The following NBEA variants were observed in gnomAD, a reference collection of about 807,000 sequenced individuals.
NBEA encodes neurobeachin, also known as lysosomal-trafficking regulator 2.
In NBEA, 44 loss-of-function variants were observed where a neutral mutation model predicts 343.4. The ratio of observed to expected loss-of-function variants is 0.13; its 90% CI spans 0.10 to 0.16. The LOEUF (loss-of-function observed/expected upper bound fraction) is 0.16. Among genes scored for constraint, NBEA ranks in the 10% least tolerant of loss-of-function variants. The pLI is 1.00. For missense variants in NBEA, 2,555 were observed against 3,631.3 expected, an observed-to-expected ratio of 0.70 and a Z score of 7.62; for synonymous variants, 1,175 against 1,238.7, an observed-to-expected ratio of 0.95 and a Z score of 1.08.
chr13:35,355,996 A>G (rs1594330728), intron 38 of NBEA, among the ~76,000 whole-genome samples: 1 of 151,954 alleles, frequency 6.6e-6, no homozygotes, highest in South Asian at 2.1e-4. Context: ...AAGCTTCATA[A>G]TGTAATAGAT....
intron 18 of NBEA, among the ~76,000 whole-genome samples, chr13:35,144,999 G>A (rs995786618): frequency 1.3e-5 from 2 of 152,062 alleles, no homozygotes; most frequent in African/African-American, 4.8e-5. Flanking sequence ...TTGAGCAGTG[G>A]GATTATATTG....
chr13:35,220,069 G>A (rs2074279484), intron 33 of NBEA, among the ~76,000 whole-genome samples: 2 of 152,092 alleles, frequency 1.3e-5, no homozygotes, highest in African/African-American at 4.8e-5. Flanking sequence ...GTGTGTAATT[G>A]ATAATCCTCC....
At chr13:35,560,772 C>T (rs543205885) in intron 44 of NBEA, among the ~76,000 whole-genome samples, 90 of 152,294 alleles carry the variant, frequency 5.9e-4, no homozygotes, top group Non-Finnish European at 1.0e-3. Flanking sequence ...GGAGACATGA[C>T]TGGATTGGGG....
At chr13:35,650,915 TAC>T (rs781466758) in intron 52 of NBEA, among the ~76,000 whole-genome samples, 34 of 152,166 alleles carry the variant, frequency 2.2e-4, no homozygotes, top group East Asian at 3.9e-4. Flanking sequence ...CTCTAAAAAA[TAC>T]AGTGATTTAT....
chr13:35,209,013 G>A (rs184309091), intron 32 of NBEA, among the ~76,000 whole-genome samples, 159 bp downstream of exon 32: 201 of 152,250 alleles, frequency 1.3e-3, no homozygotes, highest in African/African-American at 4.7e-3. Flanking sequence ...GAATTTGTCT[G>A]TAGTTGTAGA....
At chr13:35,337,988 A>G (rs1328800298) in intron 36 of NBEA, among the ~76,000 whole-genome samples, 3 of 152,046 alleles carry the variant, frequency 2.0e-5, no homozygotes, top group Non-Finnish European at 2.9e-5. Context: ...ATTTATGACT[A>G]TAAGTAACTA....
At chr13:34,964,532 A>G (rs2059759574) in intron 1 of NBEA, among the ~76,000 whole-genome samples, 1 of 151,890 alleles carries the variant, frequency 6.6e-6, no homozygotes, top group South Asian at 2.1e-4. Context: ...CCTTAGTTCC[A>G]TTTAGGAAAT....
At position 35,671,143 on chromosome 13, in the gene NBEA, C is replaced by A. The variant is rs960384693; in HGVS notation, c.*152C>A. On this transcript the variant is annotated 3_prime_UTR_variant, in exon 59 of 59. Coordinates refer to ENST00000379939, the MANE Select transcript of NBEA (RefSeq NM_001385012.1). ...ATAGCTGTACATTGTAGTCAGCAAC[C>A]ATTTTACTTTGTGTGTTTTTTCACG... is the stretch of plus-strand genomic sequence containing the variant. The A allele has an allele frequency of 1.7e-6, 1 of 576,614 alleles. No individual in the cohort carries two copies. The highest frequency in any genetic ancestry group is 3.1e-6 in the Non-Finnish European group (1 of 323,122). 35.7% of individuals were successfully genotyped at this position (576,614 alleles called of 1,614,324 possible). A position where few individuals can be genotyped will look rare whatever the true frequency, so the allele number is the denominator to read the frequency against.
intron 41 of NBEA, chr13:35,475,202 A>G: frequency 6.2e-7 from 1 of 1,614,068 alleles, no homozygotes; most frequent in Non-Finnish European, 8.5e-7. Context: ...CACCGCCGGC[A>G]CTGCAGGCAG....
At chr13:35,657,261 T>C (rs963845628) in intron 55 of NBEA, among the ~76,000 whole-genome samples, 5 of 152,224 alleles carry the variant, frequency 3.3e-5, no homozygotes, top group African/African-American at 1.2e-4. Flanking sequence ...TGTTGTAAAA[T>C]AGCATATGCC....
chr13:35,241,166 G>GA (rs781370165), intron 34 of NBEA, among the ~76,000 whole-genome samples: 10 of 151,768 alleles, frequency 6.6e-5, no homozygotes, highest in Admixed American at 1.3e-4. Context: ...ATAAAGGGAT[G>GA]AAAAAATCGA....
chr13:35,505,317 T>C (rs1381524469), intron 41 of NBEA, among the ~76,000 whole-genome samples: 6 of 152,178 alleles, frequency 3.9e-5, no homozygotes, highest in Admixed American at 1.3e-4. Flanking sequence ...GTATTTGGCC[T>C]TTGACCTTTG....
intron 34 of NBEA, among the ~76,000 whole-genome samples, chr13:35,238,803 T>C (rs1244185373): frequency 6.6e-6 from 1 of 152,172 alleles, no homozygotes. Context: ...TTTATTAAAA[T>C]CATATAATAC....
At chr13:35,074,314 T>C (rs117999262) in intron 10 of NBEA, among the ~76,000 whole-genome samples, 2,725 of 152,280 alleles carry the variant, frequency 0.018, 26 homozygotes, top group Non-Finnish European at 0.025. Flanking sequence ...ATACATCTTA[T>C]TGAGTACATA....
At chr13:35,346,562 C>T (rs987731381) in intron 36 of NBEA, among the ~76,000 whole-genome samples, 1 of 152,038 alleles carries the variant, frequency 6.6e-6, no homozygotes, top group Non-Finnish European at 1.5e-5. Flanking sequence ...TAACAGATTT[C>T]CATAACCTTT....
intron 17 of NBEA, among the ~76,000 whole-genome samples, chr13:35,132,872 TG>T (rs2067502378): frequency 6.6e-6 from 1 of 152,214 alleles, no homozygotes; most frequent in African/African-American, 2.4e-5. Flanking sequence ...TTTTGTGGTA[TG>T]TGTATTATAG....
chr13:35,013,212 G>GAT (rs1566162310), intron 1 of NBEA, among the ~76,000 whole-genome samples: 5 of 152,100 alleles, frequency 3.3e-5, no homozygotes, highest in African/African-American at 1.2e-4. Context: ...AGACCAATGT[G>GAT]GAACTTATCA....
Position 35,064,769 on chromosome 13 carries a change from C to T in NBEA, c.1240-5139C>T, listed in dbSNP as rs148136528. Among the ~76,000 whole-genome samples the T allele has an allele frequency of 1.1e-4, 17 of 151,574 alleles. No homozygotes were observed. In the East Asian group the frequency reaches 2.7e-3, roughly 24 times the overall value. On this transcript the variant is annotated intron_variant, in intron 8 of 58. Transcript: ENST00000379939. The stretch of plus-strand genomic sequence containing the variant: ...GGGAGGAAATTAGGACACAGCCACA[C>T]GCAAAGGGAAGACCATGTGAAGACA...
intron 41 of NBEA, among the ~76,000 whole-genome samples, chr13:35,505,169 G>A (rs1026671346): frequency 6.6e-6 from 1 of 152,034 alleles, no homozygotes; most frequent in Non-Finnish European, 1.5e-5. Flanking sequence ...ACCTATACTT[G>A]TTTGGAATCA....
Sources: gnomAD v4.1 joint callset for allele counts (sites outside exome capture counted in the v4.1 genomes callset) on GRCh38, gnomAD v4.1.1 for gene constraint, MANE v1.5 for transcripts, NCBI Gene and HGNC (gene_info 2026-07-23, HGNC 2026-07-21) for gene names.